SYNE1: variants seen among roughly 807,000 people sequenced by gnomAD.
SYNE1 encodes the protein spectrin repeat containing nuclear envelope protein 1, also known as nesprin-1.
A neutral mutation model predicts 1,111.0 loss-of-function variants in SYNE1; 616 were observed. The observed-to-expected ratio is 0.55, with a 90% CI of 0.52 to 0.59. SYNE1 has a LOEUF of 0.59. Ranked by LOEUF, SYNE1 falls within the 20% of genes least tolerant of loss-of-function variation. The probability of loss-of-function intolerance (pLI) is 0.00; values close to 1 mark genes in which losing one functional copy is unlikely to be tolerated. For missense variants in SYNE1, 10,006 were observed against 10,417.0 expected (o/e 0.96, Z 1.72); for synonymous variants, 3,855 against 3,825.8 (o/e 1.01, Z -0.28).
intron 3 of SYNE1, 120 bp downstream of exon 3, chr6:152,628,145 C>T (rs1479258248): frequency 3.0e-6 from 3 of 1,007,720 alleles, no homozygotes; most frequent in Non-Finnish European, 4.6e-6. Flanking sequence ...GGAATAAAGA[C>T]ATCCATCCCA....
chr6:152,269,311 A>T (rs1441071487), intron 98 of SYNE1, 25 bp from the exon 99 acceptor site: 1 of 1,613,774 alleles, frequency 6.2e-7, no homozygotes, highest in Non-Finnish European at 8.5e-7. Flanking sequence ...GCAGAAATCA[A>T]GTCATGCTAC....
intron 9 of SYNE1, among the ~76,000 whole-genome samples, chr6:152,503,459 A>G (rs2099041067): frequency 1.3e-5 from 2 of 152,332 alleles, no homozygotes; most frequent in African/African-American, 4.8e-5. Flanking sequence ...ATAAATTCAT[A>G]CAGATTTAGT....
At chr6:152,531,623 A>G (rs1210675282) in intron 4 of SYNE1, among the ~76,000 whole-genome samples, 1 of 152,058 alleles carries the variant, frequency 6.6e-6, no homozygotes, top group East Asian at 1.9e-4. Context: ...TGAAATTGAA[A>G]CTCTGTACCC....
chr6:152,192,817 G>A (rs1018034536), intron 127 of SYNE1, among the ~76,000 whole-genome samples: 1 of 151,844 alleles, frequency 6.6e-6, no homozygotes, highest in Admixed American at 6.6e-5. Context: ...ATCATATAAT[G>A]ACATTCTTTG....
At chr6:152,124,061 C>T (rs562618177) in intron 145 of SYNE1, among the ~76,000 whole-genome samples, 108 of 152,166 alleles carry the variant, frequency 7.1e-4, no homozygotes, top group Non-Finnish European at 1.1e-3. Context: ...CAGTGGCTCC[C>T]GCCTGTAATC....
chr6:152,320,452 C>T (rs2095845024), intron 84 of SYNE1, among the ~76,000 whole-genome samples: 1 of 152,066 alleles, frequency 6.6e-6, no homozygotes, highest in Admixed American at 6.6e-5. Flanking sequence ...AGTATGTCTT[C>T]TCTTTGTCTC....
At chr6:152,314,897 C>T (rs7776249) in intron 87 of SYNE1, among the ~76,000 whole-genome samples, 319 of 136,352 alleles carry the variant, frequency 2.3e-3, no homozygotes, top group African/African-American at 7.9e-3. Context: ...AGCTCAGTGG[C>T]GTGATCTCGG....
intron 39 of SYNE1, among the ~76,000 whole-genome samples, 167 bp downstream of exon 39, chr6:152,425,212 TCA>T (rs2098334007): frequency 6.6e-6 from 1 of 152,242 alleles, no homozygotes; most frequent in South Asian, 2.1e-4. Context: ...TCAGAAATGC[TCA>T]GTTTTGTGGA....
Position 152,310,690 on chromosome 6 carries a change from T to G in SYNE1, c.16894A>C (p.Lys5632Gln). The change falls in exon 88 of 146, where the codon AAG becomes CAG. Residue 5632 changes from lysine (K) to glutamine (Q), a missense_variant and splice_region_variant. Physicochemically the swap from Lys to Gln is moderately conservative, Grantham distance 53. Around this residue, in one of 7 missense-constraint regions of SYNE1, gnomAD observed 4,955 missense variants for 5,017.2 expected, o/e 0.99. Transcript: ENST00000367255. ...TTCTTTTTTTTTTCTTTTTTTACCT[T>G]AGCTGCATCTTGGAGGTTCTGCAAA... ...IRLQNLQDAA[K>Q]DMKKFEAELK... 1 of 1,613,838 alleles carries G rather than the reference T, an allele frequency of 6.2e-7. No homozygotes were observed. Among genetic ancestry groups the G allele is most frequent in the Non-Finnish European group, 8.5e-7 (1 of 1,179,966 alleles).
At chr6:152,624,147 T>A (rs1006156657) in intron 3 of SYNE1, among the ~76,000 whole-genome samples, 2 of 152,160 alleles carry the variant, frequency 1.3e-5, no homozygotes, top group Admixed American at 6.5e-5. Flanking sequence ...GGTTTAATAA[T>A]CAAAATTTGT....
At position 152,326,060 on chromosome 6, in the gene SYNE1, C is replaced by T. The variant is rs1454257020; in HGVS notation, c.15336G>A (p.Glu5112=). 1 of 1,614,154 alleles carries T rather than the reference C, an allele frequency of 6.2e-7. No individual in the cohort carries two copies. The highest frequency in any genetic ancestry group is 1.7e-5 in the Admixed American group (1 of 60,022). The change falls in exon 80 of 146, where the codon GAG becomes GAA. Residue 5112 remains glutamate (E), a synonymous_variant. Coordinates refer to ENST00000367255, the MANE Select transcript of SYNE1 (RefSeq NM_182961.4). ...QWHDYQKARE[E]VIELMNDTEK... ...CTGTATCATTCATCAATTCAATAAC[C>T]TCTTCCCTTGCTTTCTGGTAATCGT...
intron 104 of SYNE1, among the ~76,000 whole-genome samples, chr6:152,251,632 G>A (rs1056605594): frequency 5.3e-5 from 8 of 150,654 alleles, no homozygotes; most frequent in South Asian, 2.1e-4. Flanking sequence ...AGTGGCGGGC[G>A]CCTGTAGTCC....
intron 34 of SYNE1, among the ~76,000 whole-genome samples, chr6:152,431,036 G>C (rs1363830641): frequency 1.3e-5 from 2 of 152,116 alleles, no homozygotes; most frequent in Non-Finnish European, 2.9e-5. Flanking sequence ...TTTACGTTAT[G>C]AATTAGGCGT....
At chr6:152,539,082 G>C (rs1252849890) in intron 4 of SYNE1, among the ~76,000 whole-genome samples, 1 of 152,082 alleles carries the variant, frequency 6.6e-6, no homozygotes, top group Non-Finnish European at 1.5e-5. Flanking sequence ...GTAGGGTTGG[G>C]CTTTACATAC....
chr6:152,377,831 G>C (rs370025165), intron 56 of SYNE1, among the ~76,000 whole-genome samples: 4 of 151,384 alleles, frequency 2.6e-5, no homozygotes, highest in African/African-American at 9.7e-5. Flanking sequence ...AATGTTTACC[G>C]TGTGCCAAGC....
Position 152,461,735 on chromosome 6 carries a change from A to G in SYNE1, c.2256T>C (p.Ile752=), listed in dbSNP as rs754980976. ...VKLLIQDLED[I]EQRVPVMDAQ... ...CATCCATCACAGGCACCCTCTGCTC[A>G]ATATCCTGCATGAATCATTGAAACA... The change falls in exon 21 of 146, where the codon ATT becomes ATC. Residue 752 remains isoleucine (I), a synonymous_variant. Transcript: ENST00000367255. 1 of 1,613,992 alleles carries G rather than the reference A, an allele frequency of 6.2e-7. No individual in the cohort carries two copies. Among genetic ancestry groups the G allele is most frequent in the South Asian group, 1.1e-5 (1 of 91,080 alleles).
intron 3 of SYNE1, among the ~76,000 whole-genome samples, chr6:152,619,496 G>GCCAT (rs1325769953): frequency 6.6e-6 from 1 of 152,054 alleles, no homozygotes; most frequent in East Asian, 1.9e-4. Context: ...CACCTGTAGT[G>GCCAT]CCATACTTTC....
At chr6:152,132,272 T>C in intron 143 of SYNE1, 58 bp from the exon 144 acceptor site, 2 of 1,420,090 alleles carry the variant, frequency 1.4e-6, no homozygotes, top group Non-Finnish European at 1.0e-6. Context: ...GGGGGCCCTC[T>C]GTTGCACCAC....
At chr6:152,470,816 T>C (rs7776345) in intron 16 of SYNE1, among the ~76,000 whole-genome samples, 21,876 of 152,164 alleles carry the variant, frequency 0.14, 1,828 homozygotes, top group East Asian at 0.43. Context: ...AAGACTAAGA[T>C]ACTCTATTAA....
Sources: allele counts gnomAD v4.1 joint callset (sites outside exome capture counted in the v4.1 genomes callset), GRCh38; gene constraint gnomAD v4.1.1; regional missense constraint gnomAD v4.1.1; transcripts MANE v1.5; gene names NCBI Gene and HGNC (gene_info 2026-07-23, HGNC 2026-07-21).